The following PALLD variants were observed in gnomAD, a reference collection of about 807,000 sequenced individuals.
The protein encoded by PALLD is palladin, cytoskeletal associated protein.
A neutral mutation model predicts 123.5 loss-of-function variants in PALLD; 61 were observed. The ratio of observed to expected loss-of-function variants is 0.49; its 90% confidence interval spans 0.40 to 0.61. The LOEUF (loss-of-function observed/expected upper bound fraction) is 0.61, where lower values mean the gene tolerates loss of function less well. Ranked by LOEUF, PALLD falls within the 20% of genes least tolerant of loss-of-function variation. The pLI is 0.00. For synonymous variants in PALLD, 465 were observed against 496.4 expected (o/e 0.94, Z 0.84); for missense variants, 1,273 against 1,377.0 (o/e 0.92, Z 1.20).
rs560483018 is a variant in PALLD, at chr4:168,523,672, A to C, written c.908+11260A>C. 2.6e-5 allele frequency among the ~76,000 whole-genome samples: 4 copies of C among 152,306 alleles called. No individual in the cohort carries two copies. In the South Asian group the frequency reaches 8.3e-4, roughly 32 times the overall value. On this transcript the variant is annotated intron_variant, in intron 2 of 21. Coordinates refer to ENST00000505667, the MANE Select transcript of PALLD (RefSeq NM_001166108.2). ...GGGCTTAGCTAAGCCTGGTCACTCC[A>C]GTCCAGGGGCCTTGTTATCCCCTAA...
chr4:168,589,162 T>G (rs1024638079), intron 2 of PALLD, among the ~76,000 whole-genome samples: 3 of 152,228 alleles, frequency 2.0e-5, no homozygotes, highest in Non-Finnish European at 4.4e-5. Context: ...TACTGTAATT[T>G]GTCATTCTTG....
intron 10 of PALLD, among the ~76,000 whole-genome samples, chr4:168,735,299 C>T (rs920160408): frequency 3.0e-4 from 46 of 152,344 alleles, no homozygotes; most frequent in African/African-American, 1.0e-3. Context: ...CCGGCCCTCA[C>T]TTCATCAGTT....
At chr4:168,604,537 A>T (rs1772978347) in intron 2 of PALLD, among the ~76,000 whole-genome samples, 1 of 152,220 alleles carries the variant, frequency 6.6e-6, no homozygotes, top group Admixed American at 6.5e-5. Context: ...TTACCAGACT[A>T]ACAACGCTTG....
At position 168,927,674 on chromosome 4, in the gene PALLD, A is replaced by T; in HGVS notation, c.*1494A>T. ...GCTGCCATGAAACTTTGCCTTAAGA[A>T]GGTGCTGGATTCCAAGGTTTGTAAA... is the stretch of plus-strand genomic sequence containing the variant. On this transcript the variant is annotated 3_prime_UTR_variant, in exon 22 of 22. Coordinates refer to ENST00000505667, the MANE Select transcript of PALLD (RefSeq NM_001166108.2). 4.4e-6 allele frequency: 1 copy of T among 226,178 alleles called. No individual in the cohort carries two copies. The highest frequency in any genetic ancestry group is 5.7e-5 in the Admixed American group (1 of 17,578). The allele number at this position is 226,178 out of a possible 1,614,324, so 14.0% of individuals were successfully genotyped here. A position where few individuals can be genotyped will look rare whatever the true frequency, so the allele number is the denominator to read the frequency against.
In PALLD at chr4:168,690,671, C is replaced by T. The variant is rs1782535008; in HGVS notation, c.1404C>T (p.Pro468=). 6.2e-7 allele frequency: 1 copy of T among 1,614,116 alleles called. No individual in the cohort carries two copies. The highest frequency in any genetic ancestry group is 8.5e-7 in the Non-Finnish European group (1 of 1,179,992). ...VVLECRVRGA[P]PLQVQWFRQG... ...TGGAGTGCCGGGTCCGTGGGGCACC[C>T]CCTCTGCAGGTCCAGTGGTTTCGGC... Residue 468 remains proline, a synonymous_variant, in exon 7 of 22, where the codon CCC becomes CCT. Coordinates refer to ENST00000505667, the MANE Select transcript of PALLD (RefSeq NM_001166108.2).
intron 2 of PALLD, among the ~76,000 whole-genome samples, chr4:168,649,666 A>G (rs1777834647): frequency 6.6e-6 from 1 of 152,242 alleles, no homozygotes; most frequent in Non-Finnish European, 1.5e-5. Flanking sequence ...CCTTGTTTGC[A>G]TAACAACCTT....
Position 168,563,707 on chromosome 4 carries a change from G to A in PALLD, c.908+51295G>A, listed in dbSNP as rs369617027. On this transcript the variant is annotated intron_variant, in intron 2 of 21. Coordinates refer to ENST00000505667, the MANE Select transcript of PALLD (RefSeq NM_001166108.2). ...AATGCATTATAAAAAACTTTTGCTT[G>A]ATGTGATGTGAGTTACAAGCTAAGA... Among the ~76,000 whole-genome samples the A allele has an allele frequency of 2.8e-4, 42 of 152,212 alleles. No individual in the cohort carries two copies. In the East Asian group the frequency reaches 4.1e-3, roughly 15 times the overall value.
At chr4:168,625,510 T>TATATATATATATATATATATATATAG (rs1775169660) in intron 2 of PALLD, among the ~76,000 whole-genome samples, 2 of 65,098 alleles carry the variant, frequency 3.1e-5, no homozygotes, top group Admixed American at 2.4e-4. Flanking sequence ...GAGATATATA[T>TATATATATATATATATATATATATAG]ATATATATCC....
chr4:168,862,642 A>G (rs1749663884), intron 10 of PALLD, among the ~76,000 whole-genome samples: 2 of 152,206 alleles, frequency 1.3e-5, no homozygotes. Context: ...AGGGTAAGAA[A>G]CTAAAAATGG....
At chr4:168,537,197 C>G (rs923356486) in intron 2 of PALLD, among the ~76,000 whole-genome samples, 2 of 152,186 alleles carry the variant, frequency 1.3e-5, no homozygotes, top group Non-Finnish European at 2.9e-5. Flanking sequence ...ATATGCCTTT[C>G]CAATTTCATT....
At chr4:168,786,764 G>A (rs2150579732) in intron 10 of PALLD, among the ~76,000 whole-genome samples, 1 of 152,282 alleles carries the variant, frequency 6.6e-6, no homozygotes, top group South Asian at 2.1e-4. Flanking sequence ...AATATTATAT[G>A]CACACACATA....
chr4:168,533,814 T>C (rs1044144064), intron 2 of PALLD, among the ~76,000 whole-genome samples: 13 of 152,088 alleles, frequency 8.5e-5, no homozygotes, highest in African/African-American at 3.1e-4. Flanking sequence ...GGAGTGTTCA[T>C]ACGGAAAGGA....
intron 2 of PALLD, among the ~76,000 whole-genome samples, chr4:168,651,939 T>A (rs943828686): frequency 6.6e-6 from 1 of 152,162 alleles, no homozygotes; most frequent in Non-Finnish European, 1.5e-5. Context: ...TTTCCTTTAG[T>A]TTTTTTGTAT....
Position 168,511,636 on chromosome 4 carries a change from C to T in PALLD, c.132C>T (p.Asp44=). 1.9e-6 allele frequency: 3 copies of T among 1,614,180 alleles called. No homozygotes were observed. The highest frequency in any genetic ancestry group is 2.2e-5 in the East Asian group (1 of 44,878). The change falls in exon 2 of 22, where the codon GAC becomes GAT. Residue 44 remains aspartate (D), a synonymous_variant. Coordinates refer to ENST00000505667, the MANE Select transcript of PALLD (RefSeq NM_001166108.2). ...AGGAAGAGATAAACAAGAGTCTTGA[C>T]CTGGCCCGGAGAGCCATAGCCGACT... is the stretch of plus-strand genomic sequence containing the variant. The part of the protein sequence containing the change: ...LSQEEINKSL[D]LARRAIADSE...
chr4:168,678,744 C>T (rs748470799), intron 3 of PALLD, among the ~76,000 whole-genome samples: 69 of 150,804 alleles, frequency 4.6e-4, no homozygotes, highest in Non-Finnish European at 9.1e-4. Context: ...ACTTATTTCT[C>T]TTCTGTGTCC....
At chr4:168,853,016 T>C (rs904985624) in intron 10 of PALLD, among the ~76,000 whole-genome samples, 2 of 152,232 alleles carry the variant, frequency 1.3e-5, no homozygotes, top group Non-Finnish European at 2.9e-5. Context: ...TTAGGACTAA[T>C]AAATTAGTTT....
chr4:168,533,888 G>T (rs1400844056), intron 2 of PALLD, among the ~76,000 whole-genome samples: 1 of 152,170 alleles, frequency 6.6e-6, no homozygotes, highest in African/African-American at 2.4e-5. Flanking sequence ...AGAAGGATTT[G>T]CCACATTGAC....
At chr4:168,498,376 T>C (rs1166888884) in intron 1 of PALLD, among the ~76,000 whole-genome samples, 2 of 152,236 alleles carry the variant, frequency 1.3e-5, no homozygotes, top group Non-Finnish European at 2.9e-5. Flanking sequence ...ACTGGCCTTA[T>C]AGCATATTTC....
At chr4:168,501,994 T>G (rs1761456630) in intron 1 of PALLD, among the ~76,000 whole-genome samples, 2 of 152,188 alleles carry the variant, frequency 1.3e-5, no homozygotes, top group Admixed American at 1.3e-4. Flanking sequence ...GCTTTGAACT[T>G]GAAATGTTTT....
Sources: gnomAD v4.1 joint callset for allele counts (sites outside exome capture counted in the v4.1 genomes callset) on GRCh38, gnomAD v4.1.1 for gene constraint, MANE v1.5 for transcripts, NCBI Gene and HGNC (gene_info 2026-07-23, HGNC 2026-07-21) for gene names.